Variants in CCDC42 observed in about 807,000 individuals in gnomAD.
CCDC42 encodes coiled-coil domain-containing protein 42.
CCDC42 carries 38 observed loss-of-function variants against 40.8 expected under a neutral mutation model. The observed-to-expected ratio is 0.93, with a 90% CI of 0.72 to 1.22. CCDC42 has a LOEUF of 1.22. Among genes scored for constraint, CCDC42 ranks in the 50% most tolerant of loss-of-function variants. CCDC42 has a pLI of 0.00. For missense variants in CCDC42, 379 were observed against 416.5 expected, an observed-to-expected ratio of 0.91 and a Z score of 0.78; for synonymous variants, 135 against 157.5, an observed-to-expected ratio of 0.86 and a Z score of 1.07.
intron 4 of CCDC42, among the ~76,000 whole-genome samples, chr17:8,740,715 G>T (rs545710928): frequency 6.6e-6 from 1 of 152,206 alleles, no homozygotes; most frequent in East Asian, 1.9e-4. Context: ...GAACCAAGAA[G>T]TTCCCTGGGC....
At chr17:8,737,055 AAAAAG>A (rs1159707538) in intron 4 of CCDC42, among the ~76,000 whole-genome samples, 1 of 122,992 alleles carries the variant, frequency 8.1e-6, no homozygotes, top group Non-Finnish European at 1.9e-5. Context: ...AAGGGAAAGA[AAAAAG>A]AAAAGAAAAA....
intron 6 of CCDC42, among the ~76,000 whole-genome samples, chr17:8,733,996 A>G (rs2152142337): frequency 7.4e-6 from 1 of 134,814 alleles, no homozygotes; most frequent in Middle Eastern, 3.8e-3. Context: ...ACACAGTGGC[A>G]TTTCCCAGAG....
chr17:8,738,011 G>GA, intron 4 of CCDC42, among the ~76,000 whole-genome samples: 1 of 60,152 alleles, frequency 1.7e-5, no homozygotes, highest in Non-Finnish European at 4.7e-5. Context: ...TTGCAGATTT[G>GA]GGGGGGGTCT....
chr17:8,744,703 CTT>C lies in CCDC42; in HGVS notation c.-96_-95del. On this transcript the variant is annotated 5_prime_UTR_variant, in exon 1 of 7. Coordinates refer to ENST00000293845, the MANE Select transcript of CCDC42 (RefSeq NM_144681.3). Reference sequence around the variant, plus strand: ...GTGGCTCAGGGGTGGTGGCTGCACTCTTGTTTCTCCCTTCGGCCTACAGGGTC... The same window carrying C: ...GTGGCTCAGGGGTGGTGGCTGCACTCGTTTCTCCCTTCGGCCTACAGGGTC... 1 of 833,200 alleles carries C rather than the reference CTT, an allele frequency of 1.2e-6. No individual in the cohort carries two copies. Among genetic ancestry groups the C allele is most frequent in the Non-Finnish European group, 2.0e-6 (1 of 492,152 alleles). The allele number at this position is 833,200 out of a possible 1,614,324, so 51.6% of individuals were successfully genotyped here.
chr17:8,744,339 C>T (rs1379221816), intron 1 of CCDC42, among the ~76,000 whole-genome samples, 155 bp from the exon 2 acceptor site: 2 of 151,942 alleles, frequency 1.3e-5, no homozygotes, highest in Non-Finnish European at 2.9e-5. Flanking sequence ...CATAGAGGGC[C>T]ATGCAGGAGT....
At chr17:8,731,676 C>T (rs1292998595) in intron 6 of CCDC42, among the ~76,000 whole-genome samples, 2 of 152,170 alleles carry the variant, frequency 1.3e-5, no homozygotes, top group Non-Finnish European at 2.9e-5. Flanking sequence ...TGAGTGTTCT[C>T]ACTTATTAGT....
At position 8,744,672 on chromosome 17, in the gene CCDC42, C is replaced by T; in HGVS notation, c.-63G>A. On this transcript the variant is annotated 5_prime_UTR_variant, in exon 1 of 7. Transcript: ENST00000293845. ...CACAGTGAAATTGTGGGTAGCAGAG[C>T]CACAGGTGGCTCAGGGGTGGTGGCT... is the stretch of plus-strand genomic sequence containing the variant. The T allele has an allele frequency of 8.2e-7, 1 of 1,216,066 alleles. No homozygotes were observed. The highest frequency in any genetic ancestry group is 1.2e-5 in the South Asian group (1 of 82,976). The allele number at this position is 1,216,066 out of a possible 1,614,324, so 75.3% of individuals were successfully genotyped here.
At chr17:8,731,892 C>T (rs896547201) in intron 6 of CCDC42, among the ~76,000 whole-genome samples, 5 of 152,128 alleles carry the variant, frequency 3.3e-5, no homozygotes, top group African/African-American at 7.2e-5. Flanking sequence ...TGGCTGGACG[C>T]GGTAGCTCAC....
At chr17:8,736,989 G>C (rs1026911133) in intron 4 of CCDC42, among the ~76,000 whole-genome samples, 1 of 141,482 alleles carries the variant, frequency 7.1e-6, no homozygotes, top group African/African-American at 2.6e-5. Flanking sequence ...GAGAGAGAGG[G>C]AGGGAGGGAG....
intron 6 of CCDC42, among the ~76,000 whole-genome samples, chr17:8,731,875 A>AC (rs993273632): frequency 3.9e-5 from 6 of 152,202 alleles, no homozygotes; most frequent in Non-Finnish European, 7.3e-5. Flanking sequence ...TATATAACAA[A>AC]CCTGCTTGGC....
rs747379213 is a variant in CCDC42 at position 8,735,083 on chromosome 17, C to T, written c.873+13G>A. ...CCGACCCCACGGGCCCAGTGCCTGT[C>T]CCCTCCTCCTACCATGTCCAGCTGC... On this transcript the variant is annotated intron_variant, in intron 6 of 6. Transcript: ENST00000293845. The surrounding 1 kb of genome is among the most constrained non-coding windows in gnomAD (Gnocchi z 4.7). The T allele has an allele frequency of 1.2e-6, 2 of 1,614,002 alleles. No individual in the cohort carries two copies. The highest frequency in any genetic ancestry group is 2.7e-5 in the African/African-American group (2 of 75,042).
At chr17:8,743,035 G>C (rs11653933) in intron 3 of CCDC42, among the ~76,000 whole-genome samples, 1 of 152,218 alleles carries the variant, frequency 6.6e-6, no homozygotes, top group Non-Finnish European at 1.5e-5. Flanking sequence ...CTTTGTGGCC[G>C]ACGGCAATCA....
chr17:8,740,669 C>T (rs552792795), intron 4 of CCDC42, among the ~76,000 whole-genome samples: 8 of 151,938 alleles, frequency 5.3e-5, no homozygotes, highest in African/African-American at 1.7e-4. Flanking sequence ...GGAGGGGCAT[C>T]GGCAGTGTCA....
At chr17:8,741,754 C>T in intron 3 of CCDC42, 83 bp from the exon 4 acceptor site, 1 of 1,329,894 alleles carries the variant, frequency 7.5e-7, no homozygotes, top group African/African-American at 1.5e-5. Flanking sequence ...TGGTGGTGCC[C>T]TCAGACCCCT....
In CCDC42 at chr17:8,735,241, G is replaced by A. The variant is rs376369221; in HGVS notation, c.728C>T (p.Ala243Val). The A allele has an allele frequency of 3.0e-5, 49 of 1,614,072 alleles. 1 individual carries two copies. Among genetic ancestry groups the A allele is most frequent in the African/African-American group, 1.9e-4 (14 of 74,936 alleles). ...CTTGGCTGCGGTGTTCTGGATGTGC[G>A]CCCAGCGAGATTCCTGGAGAGTGGA... ...SNVIFWESRW[A>V]HIQNTAAKKT... is the part of the protein sequence containing the mutation. Residue 243 changes from alanine (A) to valine (V), a missense_variant, in exon 6 of 7, where the codon GCG becomes GTG. Ala to Val is a moderately conservative substitution (Grantham distance 64). Coordinates refer to ENST00000293845, the MANE Select transcript of CCDC42 (RefSeq NM_144681.3). The surrounding 1 kb of genome is among the most constrained non-coding windows in gnomAD (Gnocchi z 4.7).
Position 8,730,090 on chromosome 17 carries a change from C to T in CCDC42, c.*40G>A, listed in dbSNP as rs767255646. On this transcript the variant is annotated 3_prime_UTR_variant, in exon 7 of 7. Transcript: ENST00000293845. The stretch of plus-strand genomic sequence containing the variant: ...CGCAGGCTCACGACTTCTTCTTTCA[C>T]GATCTCTGTCTCAGGACATTCTGGA... 3.1e-5 allele frequency: 50 copies of T among 1,593,062 alleles called. No homozygotes were observed. In the East Asian group the frequency reaches 6.7e-4, roughly 21 times the overall value.
At chr17:8,732,234 G>C (rs1011270550) in intron 6 of CCDC42, among the ~76,000 whole-genome samples, 6 of 143,232 alleles carry the variant, frequency 4.2e-5, no homozygotes, top group African/African-American at 1.6e-4. Context: ...GGGAGGCGGA[G>C]CTTGCAGTGA....
At chr17:8,731,112 A>T (rs1568049321) in intron 6 of CCDC42, among the ~76,000 whole-genome samples, 1 of 152,136 alleles carries the variant, frequency 6.6e-6, no homozygotes, top group Non-Finnish European at 1.5e-5. Context: ...TCTTTCTGGA[A>T]CTCAGTTCTT....
Position 8,735,710 on chromosome 17 carries a change from A to G in CCDC42, c.493-99T>C. On this transcript the variant is annotated intron_variant, in intron 4 of 6. Transcript: ENST00000293845. The surrounding 1 kb of genome is among the most constrained non-coding windows in gnomAD (Gnocchi z 4.7). ...CCAGCCTGGATGCCTGGACACCTGG[A>G]CACCTGGGCAGGCAGGCCCTTGGCC... The G allele has an allele frequency of 1.0e-6, 1 of 996,930 alleles. No homozygotes were observed. Among genetic ancestry groups the G allele is most frequent in the Non-Finnish European group, 1.5e-6 (1 of 683,376 alleles). The allele number at this position is 996,930 out of a possible 1,614,324, so 61.8% of individuals were successfully genotyped here.
Sources: allele counts gnomAD v4.1 joint callset (sites outside exome capture counted in the v4.1 genomes callset), GRCh38; gene constraint gnomAD v4.1.1; non-coding constraint Gnocchi (gnomAD v3.1); transcripts MANE v1.5; gene names NCBI Gene and HGNC (gene_info 2026-07-23, HGNC 2026-07-21).